Variants in WDR17 observed in about 807,000 individuals in gnomAD.
WDR17 encodes the protein WD repeat-containing protein 17.
Under a neutral mutation model 161.7 loss-of-function variants are expected in WDR17, and 143 were observed. The ratio of observed to expected loss-of-function variants is 0.88; its 90% CI spans 0.77 to 1.02. The LOEUF is 1.02. Ranked by LOEUF, WDR17 falls within the 50% of genes least tolerant of loss-of-function variation. The pLI, the probability that WDR17 is intolerant of heterozygous loss-of-function variation, is 0.00. For synonymous variants in WDR17, 517 were observed against 515.6 expected (o/e 1.00, Z -0.04); for missense variants, 1,469 against 1,520.9 (o/e 0.97, Z 0.57).
intron 23 of WDR17, 194 bp from the exon 24 acceptor site, chr4:176,172,181 C>G: frequency 1.9e-6 from 1 of 527,628 alleles, no homozygotes; most frequent in Non-Finnish European, 3.3e-6. Context: ...CTAATATCCC[C>G]TCTTACTGTT....
In WDR17 at chr4:176,135,284, A is replaced by G. The variant is rs1386233435; in HGVS notation, c.1267+8A>G. ...CCCTTTCTTGGGCTCCAGGTAAGAG[A>G]TATTTTATTGAAATTAGGAATACAA... On this transcript the variant is annotated splice_region_variant and intron_variant, in intron 8 of 28. Transcript: ENST00000508596. 3.4e-5 allele frequency: 55 copies of G among 1,611,400 alleles called. No homozygotes were observed. The highest frequency in any genetic ancestry group is 4.3e-5 in the Non-Finnish European group (51 of 1,178,004).
At position 176,182,347 on chromosome 4, in the gene WDR17, T is replaced by C. The variant is rs1483281033; in HGVS notation, c.*2768T>C. 6.6e-6 allele frequency: 1 copy of C among 151,458 alleles called. No individual in the cohort carries two copies. Among genetic ancestry groups the C allele is most frequent in the Non-Finnish European group, 1.5e-5 (1 of 67,810 alleles). 9.4% of individuals were successfully genotyped at this position (151,458 alleles called of 1,614,324 possible). A position where few individuals can be genotyped will look rare whatever the true frequency, so the allele number is the denominator to read the frequency against. On this transcript the variant is annotated 3_prime_UTR_variant, in exon 29 of 29. Transcript: ENST00000508596. The surrounding 1 kb of genome is among the most constrained non-coding windows in gnomAD (Gnocchi z 4.2). ...TGTCAATCAAGACAAATGAAATATA[T>C]ATGTATGTGTATATATATACATGTA... is the stretch of plus-strand genomic sequence containing the variant.
intron 1 of WDR17, among the ~76,000 whole-genome samples, chr4:176,101,763 C>T (rs974352405): frequency 8.6e-5 from 13 of 151,662 alleles, no homozygotes; most frequent in Admixed American, 3.9e-4. Context: ...GGAGCAAAGG[C>T]GATACAGTGA....
At chr4:176,130,354 T>C (rs1022156535) in intron 6 of WDR17, among the ~76,000 whole-genome samples, 5 of 152,294 alleles carry the variant, frequency 3.3e-5, no homozygotes, top group South Asian at 4.1e-4. Context: ...TCATTTGTAG[T>C]TCATTCTAGT....
Position 176,126,993 on chromosome 4 carries a change from C to T in WDR17, c.790+1638C>T, listed in dbSNP as rs186051288. ...ATGCAGAACTGTGAGTCAATTAAACCTCTTTTCTTTATAAATTACCCAGTC... is the reference window on the plus strand; with the variant it reads ...ATGCAGAACTGTGAGTCAATTAAACTTCTTTTCTTTATAAATTACCCAGTC... On this transcript the variant is annotated intron_variant, in intron 5 of 28. Coordinates refer to ENST00000508596, the MANE Select transcript of WDR17 (RefSeq NM_181265.4). Among the ~76,000 whole-genome samples, 905 of 152,282 alleles carry T rather than the reference C, an allele frequency of 5.9e-3. 10 individuals are homozygous for T. Among genetic ancestry groups the T allele is most frequent in the Middle Eastern group, 0.017 (5 of 294 alleles).
intron 12 of WDR17, among the ~76,000 whole-genome samples, chr4:176,146,506 A>T (rs1044084041): frequency 2.0e-5 from 3 of 152,220 alleles, no homozygotes; most frequent in African/African-American, 7.2e-5. Flanking sequence ...GAAATCAGTT[A>T]TACTGCCGTA....
intron 10 of WDR17, among the ~76,000 whole-genome samples, chr4:176,140,354 G>A (rs775609166): frequency 4.6e-5 from 7 of 152,094 alleles, no homozygotes; most frequent in Non-Finnish European, 1.0e-4. Context: ...ATTAAGTGCC[G>A]TAAAAACTTG....
chr4:176,162,137 T>A lies in WDR17; in HGVS notation c.2813T>A (p.Leu938Gln). 2 of 1,613,304 alleles carry A rather than the reference T, an allele frequency of 1.2e-6. No homozygotes were observed. The highest frequency in any genetic ancestry group is 2.2e-5 in the South Asian group (2 of 91,000). The change falls in exon 21 of 29, where the codon CTA (leucine) becomes CAA (glutamine). Residue 938 changes from leucine (L) to glutamine (Q), a missense_variant. Leu to Gln is a moderately radical substitution (Grantham distance 113). Coordinates refer to ENST00000508596, the MANE Select transcript of WDR17 (RefSeq NM_181265.4). ...TATTTTCAAGATGGTCGAGCAGTAC[T>A]AGCCGCATGTTGCCATCTTGCCATA... is the stretch of plus-strand genomic sequence containing the variant. Reference protein sequence around the residue: ...EWYFQDGRAVLAACCHLAIDN... With the variant: ...EWYFQDGRAVQAACCHLAIDN...
intron 5 of WDR17, among the ~76,000 whole-genome samples, chr4:176,126,177 A>G (rs986535031): frequency 4.6e-5 from 7 of 152,172 alleles, no homozygotes; most frequent in Admixed American, 1.3e-4. Context: ...CATTCAAACT[A>G]TAGCACTCAC....
At chr4:176,109,297 G>A (rs182275038) in intron 1 of WDR17, among the ~76,000 whole-genome samples, 83 of 151,622 alleles carry the variant, frequency 5.5e-4, no homozygotes, top group Non-Finnish European at 7.9e-4. Flanking sequence ...CATTTTCAGC[G>A]AAAGATACTG....
chr4:176,152,706 G>A (rs942302166), intron 17 of WDR17, among the ~76,000 whole-genome samples: 11 of 151,686 alleles, frequency 7.3e-5, no homozygotes, highest in African/African-American at 1.7e-4. Flanking sequence ...AGGCCAAGGC[G>A]GAAGGATCAC....
At chr4:176,070,775 C>A (rs1400563658) in intron 1 of WDR17, among the ~76,000 whole-genome samples, 1 of 152,180 alleles carries the variant, frequency 6.6e-6, no homozygotes, top group African/African-American at 2.4e-5. Context: ...CCCAACTTGG[C>A]CTGCCAAAGT....
chr4:176,115,966 C>T lies in WDR17; in HGVS notation c.294C>T (p.Leu98=), dbSNP rs146923402. Reference sequence around the variant, plus strand: ...CAGAACAAAAAGTCATTGCTAAACTCGACAGTACAAAAGGTATAATTACAA... The same window carrying T: ...CAGAACAAAAAGTCATTGCTAAACTTGACAGTACAAAAGGTATAATTACAA... The part of the protein sequence containing the change: ...NVAEQKVIAK[L]DSTKGIPASL... Residue 98 remains leucine (L), a synonymous_variant, in exon 3 of 29, where the codon CTC becomes CTT. Coordinates refer to ENST00000508596, the MANE Select transcript of WDR17 (RefSeq NM_181265.4). 12 of 1,601,446 alleles carry T rather than the reference C, an allele frequency of 7.5e-6. No individual in the cohort carries two copies. Among genetic ancestry groups the T allele is most frequent in the African/African-American group, 4.0e-5 (3 of 74,312 alleles).
intron 17 of WDR17, among the ~76,000 whole-genome samples, chr4:176,155,715 A>AT (rs1579211752): frequency 1.9e-5 from 2 of 103,532 alleles, no homozygotes; most frequent in African/African-American, 6.9e-5. Flanking sequence ...TGACTAATTA[A>AT]AATATATATA....
At chr4:176,106,165 G>A (rs182397776) in intron 1 of WDR17, among the ~76,000 whole-genome samples, 435 of 151,960 alleles carry the variant, frequency 2.9e-3, no homozygotes, top group Non-Finnish European at 5.1e-3. Flanking sequence ...TGGGGGACTC[G>A]CATTTTCTGA....
At chr4:176,122,508 A>G (rs1741769261) in intron 4 of WDR17, among the ~76,000 whole-genome samples, 2 of 152,318 alleles carry the variant, frequency 1.3e-5, no homozygotes, top group South Asian at 2.1e-4. Flanking sequence ...CCTGATAAGT[A>G]TTTTCCTTTT....
intron 1 of WDR17, among the ~76,000 whole-genome samples, chr4:176,073,933 C>T (rs1733602215): frequency 6.7e-6 from 1 of 150,362 alleles, no homozygotes; most frequent in African/African-American, 2.4e-5. Flanking sequence ...ATATCCTTCA[C>T]CCACTTTTTG....
chr4:176,084,772 TTA>T (rs527917962), intron 1 of WDR17, among the ~76,000 whole-genome samples: 47 of 146,510 alleles, frequency 3.2e-4, no homozygotes, highest in East Asian at 1.4e-3. Flanking sequence ...ATATTATATA[TTA>T]TATATATATA....
In WDR17 at chr4:176,150,537, C is replaced by G. The variant is rs750769890; in HGVS notation, c.2248C>G (p.Pro750Ala). ...VIKGQDDSLLPQNYCKGIMHL... is the reference protein window; with the variant it reads ...VIKGQDDSLLAQNYCKGIMHL... Reference sequence around the variant, plus strand: ...AAAAGGACAGGATGATAGCTTACTTCCTCAGAACTACTGCAAAGGAATAAT... The same window carrying G: ...AAAAGGACAGGATGATAGCTTACTTGCTCAGAACTACTGCAAAGGAATAAT... Residue 750 changes from proline to alanine, a missense_variant, in exon 16 of 29, where the codon CCT becomes GCT. Coordinates refer to ENST00000508596, the MANE Select transcript of WDR17 (RefSeq NM_181265.4). The G allele has an allele frequency of 4.3e-6, 7 of 1,611,934 alleles. No homozygotes were observed. The Middle Eastern group carries it at 8.3e-4, about 190-fold the overall frequency.
Sources: allele counts gnomAD v4.1 joint callset (sites outside exome capture counted in the v4.1 genomes callset), GRCh38; gene constraint gnomAD v4.1.1; non-coding constraint Gnocchi (gnomAD v3.1); transcripts MANE v1.5; gene names NCBI Gene and HGNC (gene_info 2026-07-23, HGNC 2026-07-21).